Variants in PCDHGB5 observed in about 807,000 individuals in gnomAD.
PCDHGB5 encodes protocadherin gamma-B5.
A neutral mutation model predicts 62.9 loss-of-function variants in PCDHGB5; 48 were observed. The ratio of observed to expected loss-of-function variants is 0.76; its 90% CI spans 0.61 to 0.97. The LOEUF is 0.97. Among genes scored for constraint, PCDHGB5 ranks in the 50% least tolerant of loss-of-function variants. The pLI, the probability that PCDHGB5 is intolerant of heterozygous loss-of-function variation, is 0.00. For synonymous variants in PCDHGB5, 474 were observed against 511.2 expected (o/e 0.93, Z 0.98); for missense variants, 1,118 against 1,198.6 (o/e 0.93, Z 0.99).
chr5:141,473,598 T>C (rs959841516), intron 1 of PCDHGB5, among the ~76,000 whole-genome samples: 8 of 152,066 alleles, frequency 5.3e-5, no homozygotes, highest in African/African-American at 1.9e-4. Flanking sequence ...CCTGTAGAAA[T>C]TAGCAAAGCA....
In PCDHGB5 at chr5:141,399,576, C is replaced by A. The variant is rs2093838433; in HGVS notation, c.1449C>A (p.Val483=). 4 of 1,614,028 alleles carry A rather than the reference C, an allele frequency of 2.5e-6. No homozygotes were observed. Among genetic ancestry groups the A allele is most frequent in the Non-Finnish European group, 3.4e-6 (4 of 1,179,890 alleles). The change falls in exon 1 of 4, where the codon GTC becomes GTA. Residue 483 remains valine, a synonymous_variant. Coordinates refer to ENST00000617380, the MANE Select transcript of PCDHGB5 (RefSeq NM_018925.3). ...TGGACTTGGGGTTGAACGGCCAAGT[C>A]TCCTACTCTATCATGGCCAGCGACC... is the stretch of plus-strand genomic sequence containing the variant. The part of the protein sequence containing the change: ...SDLDLGLNGQ[V]SYSIMASDLE...
At chr5:141,452,954 T>A (rs1315313825) in intron 1 of PCDHGB5, among the ~76,000 whole-genome samples, 5 of 152,220 alleles carry the variant, frequency 3.3e-5, no homozygotes, top group Non-Finnish European at 1.5e-5. Context: ...ATTGGTTGTC[T>A]TTAAACTGAG....
chr5:141,481,065 AAAAG>A (rs1476331686), intron 1 of PCDHGB5, among the ~76,000 whole-genome samples: 1 of 152,164 alleles, frequency 6.6e-6, no homozygotes, highest in Non-Finnish European at 1.5e-5. Flanking sequence ...CTCAAAAACA[AAAAG>A]AAAGAAAGAA....
chr5:141,493,656 T>C lies in PCDHGB5; in HGVS notation c.2398-1151T>C, dbSNP rs1481871984. Among the ~76,000 whole-genome samples, 1 of 152,184 alleles carries C rather than the reference T, an allele frequency of 6.6e-6. No homozygotes were observed. Among genetic ancestry groups the C allele is most frequent in the African/African-American group, 2.4e-5 (1 of 41,454 alleles). ...CTGAGGGCTGGCCATCCCTGTGCCC[T>C]TCTCCATGGCAGCCCCAGAATGGTG... On this transcript the variant is annotated intron_variant, in intron 1 of 3. Coordinates refer to ENST00000617380, the MANE Select transcript of PCDHGB5 (RefSeq NM_018925.3). The surrounding 1 kb of genome is among the most constrained non-coding windows in gnomAD (Gnocchi z 4.3).
rs752071139 is a variant in PCDHGB5 at position 141,422,722 on chromosome 5, G to A, written c.2397+22198G>A. ...CTCTCTGACGGATGACACTGTCCAG[G>A]GGGTGCCTCTGTCCTCCTATGTCTC... On this transcript the variant is annotated intron_variant, in intron 1 of 3. Coordinates refer to ENST00000617380, the MANE Select transcript of PCDHGB5 (RefSeq NM_018925.3). The A allele has an allele frequency of 2.4e-5, 39 of 1,605,774 alleles. No homozygotes were observed. In the South Asian group the frequency reaches 4.0e-4, roughly 17 times the overall value.
rs777990962 is a variant in PCDHGB5, at chr5:141,431,580, A to T, written c.2397+31056A>T. ...GCTACCGACCCTGACGAAGGAGTCA[A>T]TGCGGAAGTGAGGTATTCCTTCCGG... is the stretch of plus-strand genomic sequence containing the variant. On this transcript the variant is annotated intron_variant, in intron 1 of 3. Coordinates refer to ENST00000617380, the MANE Select transcript of PCDHGB5 (RefSeq NM_018925.3). The surrounding 1 kb of genome is among the most constrained non-coding windows in gnomAD (Gnocchi z 4.8). The T allele has an allele frequency of 6.2e-7, 1 of 1,614,216 alleles. No individual in the cohort carries two copies.
chr5:141,494,759 C>A (rs776923097), intron 1 of PCDHGB5, 48 bp from the exon 2 acceptor site: 3 of 1,613,886 alleles, frequency 1.9e-6, no homozygotes, highest in Non-Finnish European at 2.5e-6. Context: ...GGGTGACATT[C>A]TAACTTCTCA....
intron 1 of PCDHGB5, chr5:141,418,233 ATGT>A: frequency 6.2e-7 from 1 of 1,614,048 alleles, no homozygotes; most frequent in Admixed American, 1.7e-5. Context: ...GTGATTGAGG[ATGT>A]TAATGACCAC....
intron 1 of PCDHGB5, chr5:141,440,542 C>T (rs1448576873): frequency 6.6e-6 from 1 of 152,206 alleles, no homozygotes; most frequent in Non-Finnish European, 1.5e-5. Context: ...CACGGTTCAG[C>T]AGGAATGTTA....
rs889945954 is a variant in PCDHGB5, at chr5:141,489,368, C to A, written c.2398-5439C>A. The A allele has an allele frequency of 2.5e-6, 4 of 1,613,384 alleles. No homozygotes were observed. Among genetic ancestry groups the A allele is most frequent in the Non-Finnish European group, 3.4e-6 (4 of 1,179,478 alleles). On this transcript the variant is annotated intron_variant, in intron 1 of 3. Coordinates refer to ENST00000617380, the MANE Select transcript of PCDHGB5 (RefSeq NM_018925.3). The surrounding 1 kb of genome is among the most constrained non-coding windows in gnomAD (Gnocchi z 4.5). ...GTGGTGGAGGAGTCTGAGCCGGGGA[C>A]GCTGGTGGGGAATGTTGCTCAGGAT...
At chr5:141,459,603 A>G (rs867387156) in intron 1 of PCDHGB5, among the ~76,000 whole-genome samples, 1 of 152,244 alleles carries the variant, frequency 6.6e-6, no homozygotes, top group Non-Finnish European at 1.5e-5. Flanking sequence ...AATGGGAAGT[A>G]TATGCTTAAC....
In PCDHGB5 at chr5:141,399,409, CT is replaced by C; in HGVS notation, c.1283del (p.Leu428ProfsTer5). 2 of 1,614,052 alleles carry C rather than the reference CT, an allele frequency of 1.2e-6. No homozygotes were observed. The highest frequency in any genetic ancestry group is 2.2e-5 in the South Asian group (2 of 91,084). On this transcript the variant is annotated frameshift_variant, in exon 1 of 4. Coordinates refer to ENST00000617380, the MANE Select transcript of PCDHGB5 (RefSeq NM_018925.3). LOFTEE classifies it high-confidence loss of function. ...AGCCACAGACAGGGGCAAGCCGCCC[CT>C]CTCCTCCAGCATAAGCGTCATCCTA... Reference protein sequence around the residue: ...ITATDRGKPPLSSSISVILHI... With the variant: ...ITATDRGKPPXSSSISVILHI...
intron 3 of PCDHGB5, among the ~76,000 whole-genome samples, chr5:141,509,211 C>T (rs962706371): frequency 2.0e-5 from 3 of 152,180 alleles, no homozygotes; most frequent in African/African-American, 4.8e-5. Context: ...CTCTCTATTT[C>T]TCAATCCCTG....
In PCDHGB5 at chr5:141,490,658, T is replaced by A. The variant is rs776806248; in HGVS notation, c.2398-4149T>A. The A allele has an allele frequency of 8.1e-6, 13 of 1,614,204 alleles. No homozygotes were observed. The South Asian group carries it at 1.4e-4, about 18-fold the overall frequency. ...GAAAACCGGCCTCCGGGCTCCCTTC[T>A]TTGCACTGTGGCTGCCTCAGATCCA... On this transcript the variant is annotated intron_variant, in intron 1 of 3. Transcript: ENST00000617380. The surrounding 1 kb of genome is among the most constrained non-coding windows in gnomAD (Gnocchi z 5.4).
At chr5:141,482,876 AGCCTG>A (rs2099574018) in intron 1 of PCDHGB5, among the ~76,000 whole-genome samples, 1 of 152,142 alleles carries the variant, frequency 6.6e-6, no homozygotes, top group Admixed American at 6.5e-5. Flanking sequence ...GTTTGAAACC[AGCCTG>A]GCCAACATGG....
In PCDHGB5 at chr5:141,423,562, A is replaced by G. The variant is rs374427537; in HGVS notation, c.2397+23038A>G. On this transcript the variant is annotated intron_variant, in intron 1 of 3. Coordinates refer to ENST00000617380, the MANE Select transcript of PCDHGB5 (RefSeq NM_018925.3). ...TTTCCCCCAGCCCAACTATGGGGAC[A>G]CGCTCATCAGCCAGGAGAGCTGTGA... is the stretch of plus-strand genomic sequence containing the variant. 7 of 1,613,498 alleles carry G rather than the reference A, an allele frequency of 4.3e-6. No homozygotes were observed. The African/African-American group carries it at 8.0e-5, about 18-fold the overall frequency.
chr5:141,418,517 C>G, intron 1 of PCDHGB5: 1 of 1,613,918 alleles, frequency 6.2e-7, no homozygotes. Flanking sequence ...TGGTGGGGAC[C>G]CTCCCCGAAG....
chr5:141,421,953 G>A lies in PCDHGB5; in HGVS notation c.2397+21429G>A, dbSNP rs193141134. On this transcript the variant is annotated intron_variant, in intron 1 of 3. Coordinates refer to ENST00000617380, the MANE Select transcript of PCDHGB5 (RefSeq NM_018925.3). ...TCGATGTAAATGATCACATCCCAATGTTTACACAGTCCGTATATCGCGTGA... is the reference window on the plus strand; with the variant it reads ...TCGATGTAAATGATCACATCCCAATATTTACACAGTCCGTATATCGCGTGA... 1.8e-4 allele frequency: 295 copies of A among 1,612,962 alleles called. 5 individuals are homozygous for A. In the East Asian group the frequency reaches 4.0e-3, roughly 22 times the overall value.
chr5:141,492,395 C>G (rs2099740183), intron 1 of PCDHGB5, among the ~76,000 whole-genome samples: 1 of 152,242 alleles, frequency 6.6e-6, no homozygotes, highest in African/African-American at 2.4e-5. Flanking sequence ...GGTCCACTCG[C>G]AGCTCCCCTC....
Sources: gnomAD v4.1 joint callset for allele counts (sites outside exome capture counted in the v4.1 genomes callset) on GRCh38, gnomAD v4.1.1 for gene constraint, Gnocchi (gnomAD v3.1) non-coding constraint, MANE v1.5 for transcripts, NCBI Gene and HGNC (gene_info 2026-07-23, HGNC 2026-07-21) for gene names.